CAPN14: variants seen among roughly 807,000 people sequenced by gnomAD.
CAPN14 encodes the protein calpain 14.
Under a neutral mutation model 101.3 loss-of-function variants are expected in CAPN14, and 94 were observed. The observed-to-expected ratio is 0.93, with a 90% CI of 0.79 to 1.10. CAPN14 has a LOEUF of 1.10. CAPN14 is among the 50% of genes least tolerant of loss of function. The pLI is 0.00. For synonymous variants in CAPN14, 338 were observed against 317.9 expected (o/e 1.06, Z -0.67); for missense variants, 837 against 828.4 (o/e 1.01, Z -0.13).
rs192034616 is a variant in CAPN14 at position 31,189,401 on chromosome 2, G to A, written c.1365C>T (p.Leu455=). 1.1e-5 allele frequency: 17 copies of A among 1,551,714 alleles called. No homozygotes were observed. The highest frequency in any genetic ancestry group is 2.4e-5 in the East Asian group (1 of 40,912). Residue 455 remains leucine, a synonymous_variant, in exon 13 of 22, where the codon CTC becomes CTT. Transcript: ENST00000403897. ...NTPLSQPDRF[L]KEKEVSQELC... ...GCTCCTGACTCACTTCTTTCTCCTT[G>A]AGAAACCTATCAGGCTGGCTCAGAG...
chr2:31,178,574 A>G lies in CAPN14; in HGVS notation c.1716T>C (p.Asn572=). 1 of 1,535,158 alleles carries G rather than the reference A, an allele frequency of 6.5e-7. No homozygotes were observed. Among genetic ancestry groups the G allele is most frequent in the Non-Finnish European group, 8.8e-7 (1 of 1,140,420 alleles). Reference sequence around the variant, plus strand: ...CCTGGATGCTCATAGTACCTGATGCATTAAGCTGATTAATAGGTTAAGGTA... The same window carrying G: ...CCTGGATGCTCATAGTACCTGATGCGTTAAGCTGATTAATAGGTTAAGGTA... ...CQGILALLDL[N]ASGTMSIQEF... is the part of the protein sequence containing the mutation. The change falls in exon 18 of 22, where the codon AAT becomes AAC. Residue 572 remains asparagine, a synonymous_variant. Transcript: ENST00000403897.
At chr2:31,186,548 G>T in intron 15 of CAPN14, 63 bp from the exon 16 acceptor site, 1 of 1,233,172 alleles carries the variant, frequency 8.1e-7, no homozygotes, top group Non-Finnish European at 1.1e-6. Flanking sequence ...AGATGGCAGA[G>T]GGGTCATATG....
Position 31,205,425 on chromosome 2 carries a change from C to T in CAPN14, c.23G>A (p.Arg8Gln), listed in dbSNP as rs911400010. The T allele has an allele frequency of 8.4e-6, 13 of 1,551,452 alleles. No individual in the cohort carries two copies. The highest frequency in any genetic ancestry group is 1.4e-5 in the African/African-American group (1 of 73,030). ...CCTTGGCGCCAGCTTCCATCTGCAT[C>T]GGAAAGGTGGCCACAGAGACATGGC... MSLWPPF[R>Q]CRWKLAPRYS... Residue 8 changes from arginine to glutamine, a missense_variant, in exon 2 of 22, where the codon CGA becomes CAA. By Grantham distance (43) the Arg-to-Gln change is conservative. Coordinates refer to ENST00000403897, the MANE Select transcript of CAPN14 (RefSeq NM_001145122.2).
At position 31,191,981 on chromosome 2, in the gene CAPN14, C is replaced by T. The variant is rs373129369; in HGVS notation, c.1232G>A (p.Cys411Tyr). The change falls in exon 11 of 22, where the codon TGC (cysteine) becomes TAC (tyrosine). Residue 411 changes from cysteine to tyrosine, a missense_variant. Transcript: ENST00000403897. ...VSLLQKPRHR[C>Y]RKRKPLLAIG... ...GGCGAGGAGAGGCTTCCGCTTGCGG[C>T]ACCTGTGCCTGGGCTTCTGGAGCAG... The T allele has an allele frequency of 1.3e-6, 2 of 1,551,568 alleles. No individual in the cohort carries two copies. Among genetic ancestry groups the T allele is most frequent in the East Asian group, 2.4e-5 (1 of 40,908 alleles).
chr2:31,191,738 T>C (rs963776653), intron 11 of CAPN14, among the ~76,000 whole-genome samples, 197 bp downstream of exon 11: 31 of 152,310 alleles, frequency 2.0e-4, no homozygotes, highest in African/African-American at 4.3e-4. Context: ...CTAAATATCA[T>C]TGTAGAAACT....
intron 2 of CAPN14, among the ~76,000 whole-genome samples, chr2:31,225,200 C>G (rs1000372712): frequency 6.6e-6 from 1 of 151,904 alleles, no homozygotes; most frequent in Admixed American, 6.6e-5. Flanking sequence ...TAAACAATTT[C>G]AAAACTTTTT....
At position 31,230,451 on chromosome 2, in the gene CAPN14, T is replaced by C. The variant is rs1202131666; in HGVS notation, c.-177+3340A>G. ...AGCAATGCCAAACTGTTTCCCAAAG[T>C]ATTTGTGCCAGCCTGCACGCCCATC... On this transcript the variant is annotated intron_variant and NMD_transcript_variant, in intron 1 of 21. Transcript: ENST00000398824. The surrounding 1 kb of genome is among the most constrained non-coding windows in gnomAD (Gnocchi z 4.3). Among the ~76,000 whole-genome samples, 7 of 152,208 alleles carry C rather than the reference T, an allele frequency of 4.6e-5. No homozygotes were observed. Among genetic ancestry groups the C allele is most frequent in the Admixed American group, 2.6e-4 (4 of 15,282 alleles).
intron 4 of CAPN14, 53 bp downstream of exon 4, chr2:31,202,081 G>C: frequency 1.3e-6 from 2 of 1,550,110 alleles, no homozygotes; most frequent in Non-Finnish European, 8.7e-7. Flanking sequence ...GGTCCTCCAG[G>C]AACCCTTTTT....
chr2:31,191,377 C>A, intron 12 of CAPN14, 22 bp downstream of exon 12: 5 of 1,542,148 alleles, frequency 3.2e-6, no homozygotes, highest in Non-Finnish European at 4.4e-6. Flanking sequence ...ACTAGGGCCA[C>A]CCGGTCAAGT....
chr2:31,199,450 A>T lies in CAPN14; in HGVS notation c.789+20T>A. ...AAGGGCAAGGCTGAGAGGGAAACCG[A>T]AGGGCCAACCTCAACCCACCTTCCT... On this transcript the variant is annotated intron_variant, in intron 7 of 21. Coordinates refer to ENST00000403897, the MANE Select transcript of CAPN14 (RefSeq NM_001145122.2). The T allele has an allele frequency of 6.5e-7, 1 of 1,550,118 alleles. No individual in the cohort carries two copies. The highest frequency in any genetic ancestry group is 8.7e-7 in the Non-Finnish European group (1 of 1,145,690).
chr2:31,209,159 G>T (rs1016480585), intron 1 of CAPN14, among the ~76,000 whole-genome samples: 1 of 113,920 alleles, frequency 8.8e-6, no homozygotes, highest in Non-Finnish European at 1.9e-5. Flanking sequence ...TTTTTTTCTG[G>T]AGAGATGAGG....
Position 31,174,617 on chromosome 2 carries a change from A to G in CAPN14, c.*64T>C. ...AGTAGGGTGGGCATGGGTTGGTCTC[A>G]GCCAAAGGCTGCTCTTGGGCCACAT... On this transcript the variant is annotated 3_prime_UTR_variant, in exon 22 of 22. Transcript: ENST00000403897. 1.3e-6 allele frequency: 2 copies of G among 1,534,272 alleles called. No individual in the cohort carries two copies. Among genetic ancestry groups the G allele is most frequent in the Non-Finnish European group, 1.8e-6 (2 of 1,132,056 alleles).
rs1442118464 is a variant in CAPN14 at position 31,191,923 on chromosome 2, A to T, written c.1278+12T>A. On this transcript the variant is annotated intron_variant, in intron 11 of 21. Coordinates refer to ENST00000403897, the MANE Select transcript of CAPN14 (RefSeq NM_001145122.2). The stretch of plus-strand genomic sequence containing the variant: ...TTGGTCCCATGCCCCTGTGGTTCAG[A>T]GGTCCACCTACCCTATACAGGTAGA... 1 of 1,537,486 alleles carries T rather than the reference A, an allele frequency of 6.5e-7. No homozygotes were observed. Among genetic ancestry groups the T allele is most frequent in the Non-Finnish European group, 8.8e-7 (1 of 1,139,000 alleles).
intron 17 of CAPN14, among the ~76,000 whole-genome samples, chr2:31,179,945 C>T (rs1485298834): frequency 6.6e-6 from 1 of 152,124 alleles, no homozygotes. Context: ...AAATAGTAAC[C>T]TTTTTTCATT....
At chr2:31,177,689 T>G (rs1680373864) in intron 19 of CAPN14, 57 bp downstream of exon 19, 1 of 1,278,546 alleles carries the variant, frequency 7.8e-7, no homozygotes. Flanking sequence ...CTCCTCTGCC[T>G]GATGAGTGTG....
intron 1 of CAPN14, 90 bp from the exon 2 acceptor site, chr2:31,205,589 G>A: frequency 1.4e-6 from 1 of 704,920 alleles, no homozygotes; most frequent in Non-Finnish European, 2.5e-6. Flanking sequence ...GAGAGAATGG[G>A]AGCGGAGAAG....
chr2:31,177,623 C>T (rs1037900946), intron 19 of CAPN14, 123 bp downstream of exon 19: 3 of 709,986 alleles, frequency 4.2e-6, no homozygotes, highest in South Asian at 1.7e-5. Context: ...TGCAGATCTA[C>T]GTCTTTGAGA....
chr2:31,189,773 C>T, intron 12 of CAPN14: 1 of 502,928 alleles, frequency 2.0e-6, no homozygotes, highest in Non-Finnish European at 3.9e-6. Flanking sequence ...CTGTGCCTTC[C>T]ATTTTATGGC....
intron 16 of CAPN14, among the ~76,000 whole-genome samples, 197 bp from the exon 17 acceptor site, chr2:31,181,197 T>C (rs2148673171): frequency 6.6e-6 from 1 of 152,004 alleles, no homozygotes; most frequent in East Asian, 1.9e-4. Context: ...AGTCAAATGC[T>C]ATAGGGGATG....
Sources: gnomAD v4.1 joint callset for allele counts (sites outside exome capture counted in the v4.1 genomes callset) on GRCh38, gnomAD v4.1.1 for gene constraint, Gnocchi (gnomAD v3.1) non-coding constraint, MANE v1.5 for transcripts, NCBI Gene and HGNC (gene_info 2026-07-23, HGNC 2026-07-21) for gene names.